CDH17: variants seen among roughly 807,000 people sequenced by gnomAD.
CDH17 encodes the protein cadherin-17.
In CDH17, 67 loss-of-function variants were observed where a neutral mutation model predicts 86.3. The ratio of observed to expected loss-of-function variants is 0.78; its 90% CI spans 0.64 to 0.95. The LOEUF (loss-of-function observed/expected upper bound fraction) is 0.95, where lower values mean the gene tolerates loss of function less well. Ranked by LOEUF, CDH17 falls within the 40% of genes least tolerant of loss-of-function variation. The pLI is 0.00. For synonymous variants in CDH17, 367 were observed against 366.4 expected, an observed-to-expected ratio of 1.00 and a Z score of -0.02; for missense variants, 993 against 1,017.6, an observed-to-expected ratio of 0.98 and a Z score of 0.33.
At chr8:94,154,087 A>G (rs1330576742) in intron 12 of CDH17, among the ~76,000 whole-genome samples, 2 of 152,242 alleles carry the variant, frequency 1.3e-5, no homozygotes, top group Non-Finnish European at 2.9e-5. Context: ...AGTTAGCTCT[A>G]ATTAGTCATT....
rs191821992 is a variant in CDH17 at position 94,153,334 on chromosome 8, T to A, written c.1552-1222A>T. On this transcript the variant is annotated intron_variant, in intron 12 of 17. Transcript: ENST00000027335. ...CAATGAGATATTACCTCACACCTGT[T>A]AGAATGACTTATCAAAAAGACAAAA... Among the ~76,000 whole-genome samples the A allele has an allele frequency of 6.2e-3, 943 of 152,286 alleles. 7 individuals carry two copies. The highest frequency in any genetic ancestry group is 0.034 in the Middle Eastern group (10 of 292).
chr8:94,171,652 C>A (rs1016791144), intron 7 of CDH17, among the ~76,000 whole-genome samples: 5 of 152,084 alleles, frequency 3.3e-5, no homozygotes, highest in African/African-American at 7.2e-5. Flanking sequence ...ATGCCAGACA[C>A]AATTCTAAAC....
At position 94,173,947 on chromosome 8, in the gene CDH17, G is replaced by A. The variant is rs199554355; in HGVS notation, c.633C>T (p.Ile211=). ...PAKNPSYNLV[I]SVKDMGGQSE... ...TCTGGCCTCCCATGTCCTTCACTGA[G>A]ATCACCAGATTATAGGAAGGATTCT... Residue 211 remains isoleucine, a synonymous_variant, in exon 7 of 18, where the codon ATC becomes ATT. Coordinates refer to ENST00000027335, the MANE Select transcript of CDH17 (RefSeq NM_004063.4). The A allele has an allele frequency of 2.4e-5, 38 of 1,613,822 alleles. No individual in the cohort carries two copies. The African/African-American group carries it at 4.0e-4, about 17-fold the overall frequency.
chr8:94,195,760 A>ATTT (rs5893269), intron 1 of CDH17, among the ~76,000 whole-genome samples: 1 of 144,780 alleles, frequency 6.9e-6, no homozygotes, highest in Non-Finnish European at 1.5e-5. Context: ...AGTCAAGGAA[A>ATTT]TTTTTTTTTT....
intron 1 of CDH17, among the ~76,000 whole-genome samples, chr8:94,200,658 C>G (rs1813894259): frequency 6.9e-6 from 1 of 144,434 alleles, no homozygotes; most frequent in Admixed American, 7.2e-5. Flanking sequence ...ACCACTTGCT[C>G]AACAGTAGAC....
At chr8:94,159,103 C>T (rs190516373) in intron 12 of CDH17, among the ~76,000 whole-genome samples, 1 of 152,228 alleles carries the variant, frequency 6.6e-6, no homozygotes, top group East Asian at 1.9e-4. Flanking sequence ...TTGAGTGCTG[C>T]TTCCAATTGA....
At chr8:94,164,023 T>C (rs923362884) in intron 10 of CDH17, among the ~76,000 whole-genome samples, 1 of 152,240 alleles carries the variant, frequency 6.6e-6, no homozygotes, top group Non-Finnish European at 1.5e-5. Flanking sequence ...AACACACACA[T>C]GTATTTTAAT....
intron 12 of CDH17, among the ~76,000 whole-genome samples, chr8:94,158,456 C>T (rs780321377): frequency 3.9e-5 from 6 of 152,128 alleles, no homozygotes; most frequent in South Asian, 2.1e-4. Context: ...ATATGACATA[C>T]GGGCCTTGTT....
chr8:94,170,958 A>G lies in CDH17; in HGVS notation c.811T>C (p.Tyr271His), dbSNP rs1161040807. The G allele has an allele frequency of 1.8e-5, 29 of 1,613,650 alleles. No individual in the cohort carries two copies. The highest frequency in any genetic ancestry group is 2.0e-5 in the Non-Finnish European group (24 of 1,179,808). The change falls in exon 8 of 18, where the codon TAT becomes CAT. Residue 271 changes from tyrosine (Y) to histidine (H), a missense_variant. Tyr to His is a moderately conservative substitution (Grantham distance 83, BLOSUM62 2). Transcript: ENST00000027335. ...AGCTTCTCTTTGTCAACTAAGGAAT[A>G]TTGTGCACCGGGATCATTCCACCGC... The part of the protein sequence containing the change: ...QVRWNDPGAQ[Y>H]SLVDKEKLPR...
intron 9 of CDH17, 126 bp downstream of exon 9, chr8:94,170,271 G>A: frequency 1.0e-6 from 1 of 965,860 alleles, no homozygotes; most frequent in Non-Finnish European, 1.6e-6. Context: ...CCAAGGTACA[G>A]TCAACCTCTA....
At chr8:94,202,980 C>T in intron 1 of CDH17, 1 of 304,160 alleles carries the variant, frequency 3.3e-6, no homozygotes, top group Non-Finnish European at 6.3e-6. Context: ...TTTCACCTTG[C>T]CACTGGCAAA....
At position 94,130,639 on chromosome 8, in the gene CDH17, G is replaced by A; in HGVS notation, c.2385C>T (p.Thr795=). Reference sequence around the variant, plus strand: ...AATTACACTCACCAATCACCAGAAGGGTGGTCAGCAGTATACCAACTGCCA... The same window carrying A: ...AATTACACTCACCAATCACCAGAAGAGTGGTCAGCAGTATACCAACTGCCA... The part of the protein sequence containing the change: ...VGMAVGILLT[T]LLVIGIILAV... The change falls in exon 17 of 18, where the codon ACC becomes ACT. Residue 795 remains threonine (T), a synonymous_variant. Coordinates refer to ENST00000027335, the MANE Select transcript of CDH17 (RefSeq NM_004063.4). 4 of 1,608,890 alleles carry A rather than the reference G, an allele frequency of 2.5e-6. No homozygotes were observed. The highest frequency in any genetic ancestry group is 3.4e-6 in the Non-Finnish European group (4 of 1,175,706).
At position 94,127,797 on chromosome 8, in the gene CDH17, G is replaced by A. The variant is rs1258912129; in HGVS notation, c.*443C>T. On this transcript the variant is annotated 3_prime_UTR_variant, in exon 18 of 18. Transcript: ENST00000027335. Reference sequence around the variant, plus strand: ...TGGAAAAATGAAAAATCTCTCTAATGTCTATAGCACATGAAATATCTAAGT... The same window carrying A: ...TGGAAAAATGAAAAATCTCTCTAATATCTATAGCACATGAAATATCTAAGT... The A allele has an allele frequency of 6.3e-6, 1 of 158,374 alleles. No homozygotes were observed. Among genetic ancestry groups the A allele is most frequent in the African/African-American group, 2.4e-5 (1 of 41,500 alleles). The allele number at this position is 158,374 out of a possible 1,614,324, so 9.8% of individuals were successfully genotyped here.
chr8:94,206,569 C>A (rs1247020907), intron 1 of CDH17, among the ~76,000 whole-genome samples: 1 of 151,502 alleles, frequency 6.6e-6, no homozygotes, highest in Non-Finnish European at 1.5e-5. Flanking sequence ...ACACATCCTT[C>A]TAGACATTTT....
rs1473634489 is a variant in CDH17, at chr8:94,127,729, A to AAAAC, written c.*507_*510dup. 3 of 153,164 alleles carry AAAAC rather than the reference A, an allele frequency of 2.0e-5. No homozygotes were observed. The highest frequency in any genetic ancestry group is 7.2e-5 in the African/African-American group (3 of 41,472). 9.5% of individuals were successfully genotyped at this position (153,164 alleles called of 1,614,324 possible). A position where few individuals can be genotyped will look rare whatever the true frequency, so the allele number is the denominator to read the frequency against. ...TGAGTCTGTCTTGCCCCAAAAGGGA[A>AAAAC]AAACACAAGTAGCTAAGCCATTTGC... On this transcript the variant is annotated 3_prime_UTR_variant, in exon 18 of 18. Coordinates refer to ENST00000027335, the MANE Select transcript of CDH17 (RefSeq NM_004063.4).
At chr8:94,135,997 C>CT (rs1471735031) in intron 15 of CDH17, among the ~76,000 whole-genome samples, 1 of 152,224 alleles carries the variant, frequency 6.6e-6, no homozygotes, top group Non-Finnish European at 1.5e-5. Flanking sequence ...TCTCTTCTGG[C>CT]TTGTAGGGTT....
intron 2 of CDH17, among the ~76,000 whole-genome samples, chr8:94,191,829 C>G (rs1014612903): frequency 2.0e-5 from 3 of 152,174 alleles, no homozygotes; most frequent in African/African-American, 7.2e-5. Flanking sequence ...AGTTTATCTT[C>G]CTTTGGGAGG....
intron 1 of CDH17, among the ~76,000 whole-genome samples, chr8:94,207,521 A>T (rs550362196): frequency 1.3e-5 from 2 of 151,914 alleles, no homozygotes; most frequent in East Asian, 3.9e-4. Flanking sequence ...CTCACTAGAA[A>T]CCCTCTCTCA....
At chr8:94,192,055 G>C (rs954730455) in intron 2 of CDH17, among the ~76,000 whole-genome samples, 1 of 152,166 alleles carries the variant, frequency 6.6e-6, no homozygotes, top group Non-Finnish European at 1.5e-5. Context: ...AACTACATTA[G>C]CCACACACAA....
Sources: gnomAD v4.1 joint callset for allele counts (sites outside exome capture counted in the v4.1 genomes callset) on GRCh38, gnomAD v4.1.1 for gene constraint, MANE v1.5 for transcripts, NCBI Gene and HGNC (gene_info 2026-07-23, HGNC 2026-07-21) for gene names.